Variants in CWC27 observed in about 807,000 individuals in gnomAD.
The protein encoded by CWC27 is spliceosome-associated protein CWC27 homolog.
A neutral mutation model predicts 63.6 loss-of-function variants in CWC27; 47 were observed. The observed-to-expected ratio is 0.74, with a 90% CI of 0.58 to 0.94. CWC27 has a LOEUF of 0.94. Ranked by LOEUF, CWC27 falls within the 40% of genes least tolerant of loss-of-function variation. The pLI, the probability that CWC27 is intolerant of heterozygous loss-of-function variation, is 0.00. For missense variants in CWC27, 495 were observed against 554.3 expected (o/e 0.89, Z 1.07); for synonymous variants, 175 against 179.8 (o/e 0.97, Z 0.22).
chr5:64,967,634 T>A (rs1335845413), intron 11 of CWC27, among the ~76,000 whole-genome samples: 1 of 151,944 alleles, frequency 6.6e-6, no homozygotes, highest in African/African-American at 2.4e-5. Flanking sequence ...TGTGGTCAAT[T>A]GATTTTCAAG....
intron 10 of CWC27, among the ~76,000 whole-genome samples, chr5:64,817,334 G>T (rs919610046): frequency 6.6e-6 from 1 of 152,014 alleles, no homozygotes; most frequent in Non-Finnish European, 1.5e-5. Flanking sequence ...TCTACCAGGG[G>T]TACTTATTCA....
In CWC27 at chr5:64,886,368, A is replaced by G. The variant is rs373333118; in HGVS notation, c.1042+822A>G. On this transcript the variant is annotated intron_variant, in intron 11 of 13. Coordinates refer to ENST00000381070, the MANE Select transcript of CWC27 (RefSeq NM_005869.4). ...TGAATATGATCAGAAATTTTATTCA[A>G]TTGCCTCTTATAATGTATACTAAGT... is the stretch of plus-strand genomic sequence containing the variant. Among the ~76,000 whole-genome samples the G allele has an allele frequency of 3.0e-3, 454 of 152,218 alleles. 3 individuals are homozygous for G. The highest frequency in any genetic ancestry group is 0.01 in the African/African-American group (427 of 41,578).
chr5:64,939,824 G>A (rs1467048991), intron 11 of CWC27, among the ~76,000 whole-genome samples: 1 of 147,328 alleles, frequency 6.8e-6, no homozygotes, highest in Non-Finnish European at 1.5e-5. Flanking sequence ...CCAGAGAGGA[G>A]GAATCTGGAG....
intron 10 of CWC27, among the ~76,000 whole-genome samples, chr5:64,884,908 TG>T (rs71785934): frequency 0.41 from 62,348 of 151,862 alleles, 14,285 homozygotes; most frequent in African/African-American, 0.62. Context: ...TAAAAGGAAA[TG>T]TATATGCCAA....
At chr5:64,865,598 T>C (rs938198674) in intron 10 of CWC27, among the ~76,000 whole-genome samples, 5 of 152,026 alleles carry the variant, frequency 3.3e-5, no homozygotes, top group Non-Finnish European at 7.4e-5. Context: ...TTAATTTTGT[T>C]ATTGGGATAA....
rs755029729 is a variant in CWC27 at position 64,785,599 on chromosome 5, G to A, written c.495+20G>A. ...TGTGAGGTAGGAGCATGATTATTAC[G>A]AGATACAGCACTTACATTGTCGTTT... is the stretch of plus-strand genomic sequence containing the variant. On this transcript the variant is annotated intron_variant, in intron 5 of 13. Coordinates refer to ENST00000381070, the MANE Select transcript of CWC27 (RefSeq NM_005869.4). 45 of 1,419,534 alleles carry A rather than the reference G, an allele frequency of 3.2e-5. No individual in the cohort carries two copies. Among genetic ancestry groups the A allele is most frequent in the Non-Finnish European group, 3.7e-5 (38 of 1,013,796 alleles). The allele number at this position is 1,419,534 out of a possible 1,614,324, so 87.9% of individuals were successfully genotyped here. A position where few individuals can be genotyped will look rare whatever the true frequency, so the allele number is the denominator to read the frequency against.
At chr5:64,801,226 T>C in intron 8 of CWC27, 76 bp from the exon 9 acceptor site, 1 of 1,264,852 alleles carries the variant, frequency 7.9e-7, no homozygotes, top group South Asian at 1.4e-5. Context: ...CAAACTATTC[T>C]AGATTTTTGG....
intron 2 of CWC27, among the ~76,000 whole-genome samples, chr5:64,779,189 T>C (rs1743567643): frequency 6.6e-6 from 1 of 152,110 alleles, no homozygotes; most frequent in Non-Finnish European, 1.5e-5. Flanking sequence ...AATAAAGACA[T>C]TTATCCTCCT....
chr5:64,949,980 A>G (rs538366025), intron 11 of CWC27, among the ~76,000 whole-genome samples: 193 of 152,080 alleles, frequency 1.3e-3, no homozygotes, highest in Non-Finnish European at 2.3e-3. Context: ...TTGAAATGTG[A>G]CCAGTTTAAA....
chr5:64,919,448 C>T (rs1747954639), intron 11 of CWC27, among the ~76,000 whole-genome samples: 1 of 152,096 alleles, frequency 6.6e-6, no homozygotes, highest in African/African-American at 2.4e-5. Flanking sequence ...ACACATGATC[C>T]CATCCCAAGG....
chr5:65,005,895 A>C (rs574419740), intron 13 of CWC27, among the ~76,000 whole-genome samples: 192 of 152,372 alleles, frequency 1.3e-3, no homozygotes, highest in African/African-American at 4.5e-3. Flanking sequence ...AAATCCTAGG[A>C]AAATATCAAA....
At chr5:64,804,407 G>T in intron 10 of CWC27, 21 bp downstream of exon 10, 1 of 1,559,704 alleles carries the variant, frequency 6.4e-7, no homozygotes, top group South Asian at 1.2e-5. Context: ...TACTGTGCTA[G>T]ATATCAGAGT....
intron 11 of CWC27, among the ~76,000 whole-genome samples, chr5:64,940,752 A>G (rs1170192893): frequency 1.4e-5 from 2 of 142,986 alleles, no homozygotes; most frequent in African/African-American, 5.1e-5. Flanking sequence ...TTTTACCATT[A>G]TTTCTTTTGA....
chr5:64,931,968 T>G (rs1266409629), intron 11 of CWC27, among the ~76,000 whole-genome samples: 1 of 152,134 alleles, frequency 6.6e-6, no homozygotes, highest in African/African-American at 2.4e-5. Flanking sequence ...GCAGAAAGCA[T>G]CCTTGTACAC....
intron 11 of CWC27, among the ~76,000 whole-genome samples, chr5:64,931,750 A>G (rs974501889): frequency 1.3e-5 from 2 of 152,016 alleles, no homozygotes; most frequent in Non-Finnish European, 2.9e-5. Flanking sequence ...TATTGCTACT[A>G]TGCCACTCTA....
At chr5:64,928,896 T>A (rs76794680) in intron 11 of CWC27, among the ~76,000 whole-genome samples, 4,627 of 152,058 alleles carry the variant, frequency 0.03, 104 homozygotes, top group Non-Finnish European at 0.044. Flanking sequence ...AAAATTTGAT[T>A]ATGTTATTCC....
intron 13 of CWC27, among the ~76,000 whole-genome samples, chr5:64,991,934 G>T (rs1405160775): frequency 6.6e-6 from 1 of 152,106 alleles, no homozygotes; most frequent in East Asian, 1.9e-4. Flanking sequence ...CAGTTAGTCA[G>T]ATTAGTTAAT....
At chr5:64,900,736 TCA>T (rs750182337) in intron 11 of CWC27, among the ~76,000 whole-genome samples, 14 of 152,210 alleles carry the variant, frequency 9.2e-5, no homozygotes, top group Non-Finnish European at 1.9e-4. Context: ...ATATATACAG[TCA>T]CATATCCCTT....
chr5:64,900,967 CCTT>C (rs1747489000), intron 11 of CWC27, among the ~76,000 whole-genome samples: 1 of 152,016 alleles, frequency 6.6e-6, no homozygotes, highest in South Asian at 2.1e-4. Context: ...AATTCATAAA[CCTT>C]CTTAAAACAT....
Sources: allele counts gnomAD v4.1 joint callset (sites outside exome capture counted in the v4.1 genomes callset), GRCh38; gene constraint gnomAD v4.1.1; transcripts MANE v1.5; gene names NCBI Gene and HGNC (gene_info 2026-07-23, HGNC 2026-07-21).